The following PELI2 variants were observed in gnomAD, a reference collection of about 807,000 sequenced individuals.
The protein encoded by PELI2 is pellino E3 ubiquitin protein ligase family member 2.
Under a neutral mutation model 42.3 loss-of-function variants are expected in PELI2, and 23 were observed. The ratio of observed to expected loss-of-function variants is 0.54; its 90% confidence interval spans 0.39 to 0.77. PELI2 has a LOEUF of 0.77. Among genes scored for constraint, PELI2 ranks in the 30% least tolerant of loss-of-function variants. The pLI is 0.00. For missense variants in PELI2, 463 were observed against 553.2 expected, an observed-to-expected ratio of 0.84 and a Z score of 1.64; for synonymous variants, 245 against 212.2, an observed-to-expected ratio of 1.15 and a Z score of -1.34.
chr14:56,195,240 T>C (rs1024574375), intron 2 of PELI2, among the ~76,000 whole-genome samples: 7 of 152,244 alleles, frequency 4.6e-5, no homozygotes, highest in South Asian at 2.1e-4. Context: ...TTCAAAAGCA[T>C]GCTTCTGGAA....
chr14:56,285,089 T>C (rs540482784), intron 3 of PELI2, among the ~76,000 whole-genome samples: 8 of 152,346 alleles, frequency 5.3e-5, no homozygotes, highest in African/African-American at 1.9e-4. Flanking sequence ...TTTATGTTTT[T>C]GTACGATTTC....
In PELI2 at chr14:56,300,556, G is replaced by A. The variant is rs930274548; in HGVS notation, c.*3390G>A. 1 of 151,840 alleles carries A rather than the reference G, an allele frequency of 6.6e-6. No individual in the cohort carries two copies. The highest frequency in any genetic ancestry group is 6.6e-5 in the Admixed American group (1 of 15,242). 9.4% of individuals were successfully genotyped at this position (151,840 alleles called of 1,614,324 possible). A position where few individuals can be genotyped will look rare whatever the true frequency, so the allele number is the denominator to read the frequency against. ...TAATTGAAGTGTAATATAGGTTGTA[G>A]AATTGTTACCTGCAGTTCTATGGTT... On this transcript the variant is annotated 3_prime_UTR_variant, in exon 6 of 6. Coordinates refer to ENST00000267460, the MANE Select transcript of PELI2 (RefSeq NM_021255.3).
intron 2 of PELI2, among the ~76,000 whole-genome samples, chr14:56,252,225 G>A (rs1888371353): frequency 6.6e-6 from 1 of 152,150 alleles, no homozygotes; most frequent in Non-Finnish European, 1.5e-5. Context: ...ATAAAAAGGA[G>A]TTTAGGCCTT....
At chr14:56,286,453 A>T (rs1889648066) in intron 3 of PELI2, among the ~76,000 whole-genome samples, 1 of 152,172 alleles carries the variant, frequency 6.6e-6, no homozygotes, top group Admixed American at 6.5e-5. Flanking sequence ...GCAAACCCAA[A>T]CTTTTCTTAT....
Position 56,288,732 on chromosome 14 carries a change from G to A in PELI2, c.507+98G>A. On this transcript the variant is annotated intron_variant, in intron 4 of 5. Transcript: ENST00000267460. The surrounding 1 kb of genome is among the most constrained non-coding windows in gnomAD (Gnocchi z 4.6). ...CAAAAAAAAATTGGCTTTGTATGTTGCCTCTAGTGAGATTTTGAGATTTTA... is the reference window on the plus strand; with the variant it reads ...CAAAAAAAAATTGGCTTTGTATGTTACCTCTAGTGAGATTTTGAGATTTTA... The A allele has an allele frequency of 1.2e-6, 1 of 851,984 alleles. No individual in the cohort carries two copies. 52.8% of individuals were successfully genotyped at this position (851,984 alleles called of 1,614,324 possible).
At chr14:56,131,270 A>G (rs1159953375) in intron 1 of PELI2, among the ~76,000 whole-genome samples, 1 of 152,180 alleles carries the variant, frequency 6.6e-6, no homozygotes, top group Non-Finnish European at 1.5e-5. Context: ...GATGAAACTC[A>G]GTTGATTTAG....
intron 1 of PELI2, among the ~76,000 whole-genome samples, chr14:56,119,441 CG>C (rs533102765): frequency 9.3e-4 from 142 of 152,224 alleles, no homozygotes; most frequent in African/African-American, 3.3e-3. Context: ...CACCGGGGCG[CG>C]GGCCGTATCC....
chr14:56,186,746 AC>A (rs1885782058), intron 2 of PELI2, among the ~76,000 whole-genome samples: 1 of 152,202 alleles, frequency 6.6e-6, no homozygotes, highest in Non-Finnish European at 1.5e-5. Context: ...TATCTGCATT[AC>A]TGATATACAG....
intron 1 of PELI2, among the ~76,000 whole-genome samples, chr14:56,161,055 A>G (rs1884743738): frequency 2.0e-5 from 3 of 152,162 alleles, no homozygotes; most frequent in African/African-American, 4.8e-5. Context: ...GCCAGTAGAG[A>G]TGTGTAAGAT....
intron 1 of PELI2, among the ~76,000 whole-genome samples, chr14:56,126,607 C>T (rs1883276354): frequency 6.6e-6 from 1 of 152,160 alleles, no homozygotes; most frequent in Non-Finnish European, 1.5e-5. Context: ...TACCAAGTGC[C>T]TCGGAGGACC....
chr14:56,163,386 T>G (rs1884837690), intron 1 of PELI2, among the ~76,000 whole-genome samples: 1 of 152,102 alleles, frequency 6.6e-6, no homozygotes, highest in African/African-American at 2.4e-5. Context: ...TCACTGTGGG[T>G]GTGTGGATTT....
chr14:56,142,449 A>G (rs1883948225), intron 1 of PELI2, among the ~76,000 whole-genome samples: 1 of 152,202 alleles, frequency 6.6e-6, no homozygotes, highest in South Asian at 2.1e-4. Flanking sequence ...GGGACAACAT[A>G]GTAGTATCCC....
rs1888222674 is a variant in PELI2, at chr14:56,248,080, T to C, written c.208-31596T>C. Among the ~76,000 whole-genome samples the C allele has an allele frequency of 2.0e-5, 3 of 152,326 alleles. No individual in the cohort carries two copies. In the South Asian group the frequency reaches 6.2e-4, roughly 32 times the overall value. ...CCAGTGTTGATGCTCCATTTGGCAA[T>C]TTTTTAGCACGATCAGATTGAATAT... On this transcript the variant is annotated intron_variant, in intron 2 of 5. Coordinates refer to ENST00000267460, the MANE Select transcript of PELI2 (RefSeq NM_021255.3).
At chr14:56,261,263 C>G (rs1403840643) in intron 2 of PELI2, among the ~76,000 whole-genome samples, 2 of 152,258 alleles carry the variant, frequency 1.3e-5, no homozygotes, top group East Asian at 3.9e-4. Flanking sequence ...GATTCAATGG[C>G]CACTCATTTC....
At position 56,197,504 on chromosome 14, in the gene PELI2, C is replaced by T. The variant is rs142848379; in HGVS notation, c.207+19040C>T. 2.0e-5 allele frequency among the ~76,000 whole-genome samples: 3 copies of T among 151,974 alleles called. No individual in the cohort carries two copies. The highest frequency in any genetic ancestry group is 2.9e-5 in the Non-Finnish European group (2 of 67,998). ...TTTGGGGAGACATTTATGCATGAAG[C>T]GGGTGTTCTGGCTTTGATATGGAAG... On this transcript the variant is annotated intron_variant, in intron 2 of 5. Transcript: ENST00000267460. This position sits in a 1 kb window ranked among gnomAD's most constrained non-coding sequence, Gnocchi z 4.9.
intron 2 of PELI2, among the ~76,000 whole-genome samples, chr14:56,216,777 C>A (rs1209642237): frequency 1.3e-5 from 2 of 152,268 alleles, no homozygotes; most frequent in Non-Finnish European, 2.9e-5. Context: ...TTCTGGCTCC[C>A]CTGAAAAAGC....
intron 1 of PELI2, among the ~76,000 whole-genome samples, chr14:56,130,880 G>C (rs1222537665): frequency 3.3e-5 from 5 of 152,168 alleles, no homozygotes. Flanking sequence ...CTTATTAGCT[G>C]TGGCATGTAC....
chr14:56,247,192 G>A (rs1166107828), intron 2 of PELI2, among the ~76,000 whole-genome samples: 1 of 152,124 alleles, frequency 6.6e-6, no homozygotes, highest in Non-Finnish European at 1.5e-5. Context: ...TACACACACG[G>A]AATTCTTTCA....
chr14:56,265,233 C>A (rs971090229), intron 2 of PELI2, among the ~76,000 whole-genome samples: 1 of 152,042 alleles, frequency 6.6e-6, no homozygotes, highest in Non-Finnish European at 1.5e-5. Flanking sequence ...GACTTCAAGA[C>A]TTTATTTTAA....
Sources: gnomAD v4.1 joint callset for allele counts (sites outside exome capture counted in the v4.1 genomes callset) on GRCh38, gnomAD v4.1.1 for gene constraint, Gnocchi (gnomAD v3.1) non-coding constraint, MANE v1.5 for transcripts, NCBI Gene and HGNC (gene_info 2026-07-23, HGNC 2026-07-21) for gene names.